Variants in KCTD16 observed in about 807,000 individuals in gnomAD.
KCTD16 encodes the protein BTB/POZ domain-containing protein KCTD16.
A neutral mutation model predicts 33.2 loss-of-function variants in KCTD16; 13 were observed. The observed-to-expected ratio is 0.39, with a 90% CI of 0.25 to 0.62. KCTD16 has a LOEUF of 0.62. Among genes scored for constraint, KCTD16 ranks in the 20% least tolerant of loss-of-function variants. KCTD16 has a pLI of 0.50. For synonymous variants in KCTD16, 197 were observed against 195.3 expected, an observed-to-expected ratio of 1.01 and a Z score of -0.07; for missense variants, 441 against 525.1, an observed-to-expected ratio of 0.84 and a Z score of 1.57.
Position 144,180,926 on chromosome 5 carries a change from T to C in KCTD16, c.-327+6454T>C, listed in dbSNP as rs573648109. On this transcript the variant is annotated intron_variant, in intron 2 of 3. Transcript: ENST00000512467. Reference sequence around the variant, plus strand: ...AGGAAAAGACAATTATACTGCAACTTTTTCTTTTTTCTTTTTTTTTTTTTG... The same window carrying C: ...AGGAAAAGACAATTATACTGCAACTCTTTCTTTTTTCTTTTTTTTTTTTTG... 3.3e-5 allele frequency among the ~76,000 whole-genome samples: 5 copies of C among 152,122 alleles called. No individual in the cohort carries two copies. The South Asian group carries it at 1.0e-3, about 32-fold the overall frequency.
intron 3 of KCTD16, among the ~76,000 whole-genome samples, chr5:144,298,065 T>G (rs1756095945): frequency 6.6e-6 from 1 of 152,236 alleles, no homozygotes; most frequent in Non-Finnish European, 1.5e-5. Flanking sequence ...GCTAAAGGCT[T>G]GCCATTGTTC....
chr5:144,235,139 T>TA (rs1276920563), intron 3 of KCTD16, among the ~76,000 whole-genome samples: 2 of 152,160 alleles, frequency 1.3e-5, no homozygotes, highest in African/African-American at 4.8e-5. Context: ...CTTATGCTTT[T>TA]AGGGAGAATC....
chr5:144,209,846 G>A (rs1395879897), intron 3 of KCTD16, among the ~76,000 whole-genome samples: 1 of 144,376 alleles, frequency 6.9e-6, no homozygotes, highest in African/African-American at 2.6e-5. Flanking sequence ...ATATTTATAT[G>A]TGTATATATA....
intron 3 of KCTD16, among the ~76,000 whole-genome samples, chr5:144,336,788 C>T (rs181354350): frequency 4.7e-4 from 72 of 152,116 alleles, no homozygotes; most frequent in Middle Eastern, 3.4e-3. Context: ...CCTTTGAAAC[C>T]TGACCTGCTT....
intron 3 of KCTD16, among the ~76,000 whole-genome samples, chr5:144,438,115 T>G (rs1753620284): frequency 6.6e-6 from 1 of 152,360 alleles, no homozygotes; most frequent in Admixed American, 6.5e-5. Flanking sequence ...TATGCACTTA[T>G]TTTTACTTTT....
At chr5:144,370,121 C>T (rs1248057173) in intron 3 of KCTD16, among the ~76,000 whole-genome samples, 1 of 152,058 alleles carries the variant, frequency 6.6e-6, no homozygotes, top group Non-Finnish European at 1.5e-5. Flanking sequence ...TGTGACTTCT[C>T]AGTTCATCAG....
chr5:144,358,234 G>A lies in KCTD16; in HGVS notation c.833-115426G>A, dbSNP rs143487317. ...TAGGCATGAGCCACTTTGCCTGACC[G>A]CCTAGGCTGTGTTTTAAAATGCAGA... On this transcript the variant is annotated intron_variant, in intron 3 of 3. Coordinates refer to ENST00000512467, the MANE Select transcript of KCTD16 (RefSeq NM_020768.4). 2.5e-4 allele frequency among the ~76,000 whole-genome samples: 38 copies of A among 151,666 alleles called. 1 individual carries two copies. In the East Asian group the frequency reaches 7.4e-3, roughly 30 times the overall value.
intron 3 of KCTD16, among the ~76,000 whole-genome samples, chr5:144,258,504 A>G (rs1165746632): frequency 6.6e-6 from 1 of 152,216 alleles, no homozygotes; most frequent in African/African-American, 2.4e-5. Flanking sequence ...ATATATAACC[A>G]AAGTGTAGTG....
At chr5:144,458,735 G>A (rs1322471374) in intron 3 of KCTD16, among the ~76,000 whole-genome samples, 1 of 152,102 alleles carries the variant, frequency 6.6e-6, no homozygotes, top group Non-Finnish European at 1.5e-5. Context: ...TTTTAATAAT[G>A]TTTGAGCTTC....
At chr5:144,364,946 A>G (rs73303932) in intron 3 of KCTD16, among the ~76,000 whole-genome samples, 14,415 of 151,970 alleles carry the variant, frequency 0.095, 1,685 homozygotes, top group African/African-American at 0.28. Context: ...AATCCTACTT[A>G]TGGCTGTTTT....
chr5:144,454,970 A>G (rs1432252120), intron 3 of KCTD16, among the ~76,000 whole-genome samples: 2 of 152,256 alleles, frequency 1.3e-5, no homozygotes, highest in East Asian at 3.9e-4. Flanking sequence ...TAGCAGACAA[A>G]AAAGACAAAA....
At chr5:144,466,239 GT>G (rs35569056) in intron 3 of KCTD16, among the ~76,000 whole-genome samples, 4,944 of 135,010 alleles carry the variant, frequency 0.037, 231 homozygotes, top group African/African-American at 0.12. Flanking sequence ...ACTAGCTAGG[GT>G]TTTTTTTTTT....
chr5:144,184,225 G>A (rs574647441), intron 2 of KCTD16, among the ~76,000 whole-genome samples: 1 of 152,266 alleles, frequency 6.6e-6, no homozygotes, highest in South Asian at 2.1e-4. Flanking sequence ...AACTTGCAAA[G>A]TGAAATTCTA....
At chr5:144,395,292 C>A in intron 3 of KCTD16, among the ~76,000 whole-genome samples, 1 of 152,126 alleles carries the variant, frequency 6.6e-6, no homozygotes, top group South Asian at 2.1e-4. Context: ...CATGGGGAGG[C>A]GATATGTCCG....
At chr5:144,313,234 A>G (rs1751812138) in intron 3 of KCTD16, among the ~76,000 whole-genome samples, 2 of 152,178 alleles carry the variant, frequency 1.3e-5, no homozygotes, top group African/African-American at 4.8e-5. Context: ...AATGTCAAAT[A>G]TATTAAGTTA....
At chr5:144,382,967 C>T (rs1000448769) in intron 3 of KCTD16, 2 of 152,190 alleles carry the variant, frequency 1.3e-5, no homozygotes, top group Non-Finnish European at 2.9e-5. Flanking sequence ...ACCCACAATC[C>T]TCTGGTAGGG....
At chr5:144,364,704 T>A (rs1751793616) in intron 3 of KCTD16, among the ~76,000 whole-genome samples, 1 of 152,210 alleles carries the variant, frequency 6.6e-6, no homozygotes, top group African/African-American at 2.4e-5. Context: ...GTAAAAGTAG[T>A]AACCAATAAT....
chr5:144,373,900 A>G (rs1580911834), intron 3 of KCTD16, among the ~76,000 whole-genome samples: 3 of 152,336 alleles, frequency 2.0e-5, no homozygotes, highest in South Asian at 4.1e-4. Flanking sequence ...CACAGGCGTC[A>G]TGGCTTAAAA....
chr5:144,188,365 T>A (rs1015104186), intron 2 of KCTD16, among the ~76,000 whole-genome samples: 1 of 152,256 alleles, frequency 6.6e-6, no homozygotes, highest in Non-Finnish European at 1.5e-5. Context: ...CAAGAGAAAG[T>A]ACATGAGAAA....
Sources: gnomAD v4.1 joint callset for allele counts (sites outside exome capture counted in the v4.1 genomes callset) on GRCh38, gnomAD v4.1.1 for gene constraint, MANE v1.5 for transcripts, NCBI Gene and HGNC (gene_info 2026-07-23, HGNC 2026-07-21) for gene names.